The following OTUD3 variants were observed in gnomAD, a reference collection of about 807,000 sequenced individuals.
The protein encoded by OTUD3 is OTU domain-containing protein 3.
Under a neutral mutation model 46.2 loss-of-function variants are expected in OTUD3, and 24 were observed. The ratio of observed to expected loss-of-function variants is 0.52; its 90% confidence interval spans 0.38 to 0.73. OTUD3 has a LOEUF of 0.73. Among genes scored for constraint, OTUD3 ranks in the 30% least tolerant of loss-of-function variants. OTUD3 has a pLI of 0.00. For synonymous variants in OTUD3, 189 were observed against 195.4 expected, an observed-to-expected ratio of 0.97 and a Z score of 0.27; for missense variants, 455 against 523.3, an observed-to-expected ratio of 0.87 and a Z score of 1.27.
Position 19,882,751 on chromosome 1 carries a change from G to T in OTUD3, c.221+17G>T. ...GGGGGACGGGTGAGGCGGGCCGGGA[G>T]CGAGGGAGGCGGCGCCGGGGGACGC... is the stretch of plus-strand genomic sequence containing the variant. On this transcript the variant is annotated intron_variant, in intron 1 of 7. Transcript: ENST00000375120. 7.7e-7 allele frequency: 1 copy of T among 1,297,576 alleles called. No individual in the cohort carries two copies. Among genetic ancestry groups the T allele is most frequent in the Non-Finnish European group, 9.8e-7 (1 of 1,024,316 alleles). The allele number at this position is 1,297,576 out of a possible 1,614,324, so 80.4% of individuals were successfully genotyped here. A position where few individuals can be genotyped will look rare whatever the true frequency, so the allele number is the denominator to read the frequency against.
At chr1:19,902,613 C>A (rs1464224955) in intron 4 of OTUD3, among the ~76,000 whole-genome samples, 1 of 152,076 alleles carries the variant, frequency 6.6e-6, no homozygotes, top group East Asian at 1.9e-4. Context: ...CTATTCAAGT[C>A]TTTTGCCTAT....
Position 19,882,649 on chromosome 1 carries a change from G to A in OTUD3, c.136G>A (p.Gly46Ser). 2 of 1,461,012 alleles carry A rather than the reference G, an allele frequency of 1.4e-6. No individual in the cohort carries two copies. Among genetic ancestry groups the A allele is most frequent in the Non-Finnish European group, 1.8e-6 (2 of 1,108,488 alleles). The allele number at this position is 1,461,012 out of a possible 1,614,324, so 90.5% of individuals were successfully genotyped here. A position where few individuals can be genotyped will look rare whatever the true frequency, so the allele number is the denominator to read the frequency against. Residue 46 changes from glycine to serine, a missense_variant, in exon 1 of 8, where the codon GGC becomes AGC. By Grantham distance (56) the Gly-to-Ser change is moderately conservative. Coordinates refer to ENST00000375120, the MANE Select transcript of OTUD3 (RefSeq NM_015207.2). ...GCGGAATCGGCCGGAGTCTGGCGGC[G>A]GCGGCGGCTGCGAGGAGGAGTTCGT... is the stretch of plus-strand genomic sequence containing the variant. Reference protein sequence around the residue: ...ERRNRPESGGGGGCEEEFVSF... With the variant: ...ERRNRPESGGSGGCEEEFVSF...
At chr1:19,892,752 T>A (rs2045465541) in intron 2 of OTUD3, among the ~76,000 whole-genome samples, 2 of 152,222 alleles carry the variant, frequency 1.3e-5, no homozygotes, top group South Asian at 4.1e-4. Context: ...TACTGTTCGG[T>A]ATCATTGTCT....
At chr1:19,896,888 A>G (rs542654857) in intron 3 of OTUD3, among the ~76,000 whole-genome samples, 18 of 152,284 alleles carry the variant, frequency 1.2e-4, no homozygotes, top group Admixed American at 3.3e-4. Flanking sequence ...TGGCGCCTGC[A>G]GGGTTGAGCG....
At chr1:19,901,398 T>G (rs2045587614) in intron 4 of OTUD3, among the ~76,000 whole-genome samples, 1 of 152,240 alleles carries the variant, frequency 6.6e-6, no homozygotes, top group African/African-American at 2.4e-5. Context: ...GTTTTTTGTG[T>G]CTATTGTAAA....
At chr1:19,883,333 A>G (rs989344855) in intron 1 of OTUD3, among the ~76,000 whole-genome samples, 3 of 152,176 alleles carry the variant, frequency 2.0e-5, no homozygotes, top group African/African-American at 7.2e-5. Context: ...GACTGGATCC[A>G]GGTCCAGCTT....
intron 4 of OTUD3, among the ~76,000 whole-genome samples, chr1:19,900,217 T>G (rs1033289021): frequency 5.3e-5 from 8 of 152,206 alleles, no homozygotes; most frequent in African/African-American, 1.9e-4. Context: ...ATTTATTTAT[T>G]TTTTGAGACT....
At chr1:19,887,388 ATC>A (rs2045380002) in intron 1 of OTUD3, among the ~76,000 whole-genome samples, 1 of 151,894 alleles carries the variant, frequency 6.6e-6, no homozygotes, top group Non-Finnish European at 1.5e-5. Flanking sequence ...CCGGCTGATG[ATC>A]TCTCATATTT....
chr1:19,884,750 A>G (rs1174655162), intron 1 of OTUD3, among the ~76,000 whole-genome samples: 1 of 152,224 alleles, frequency 6.6e-6, no homozygotes, highest in Non-Finnish European at 1.5e-5. Flanking sequence ...GGTACATTAC[A>G]TCTTAGTTTT....
At chr1:19,886,513 A>C (rs2100240501) in intron 1 of OTUD3, among the ~76,000 whole-genome samples, 1 of 152,294 alleles carries the variant, frequency 6.6e-6, no homozygotes, top group Middle Eastern at 3.4e-3. Context: ...GCCATACTAG[A>C]ATATCTGGGG....
chr1:19,898,154 G>A (rs2045541679), intron 4 of OTUD3, among the ~76,000 whole-genome samples: 1 of 151,764 alleles, frequency 6.6e-6, no homozygotes, highest in African/African-American at 2.4e-5. Flanking sequence ...CTCCATGTTG[G>A]TCATGCTGGT....
In OTUD3 at chr1:19,904,874, G is replaced by A. The variant is rs1460438622; in HGVS notation, c.739-17G>A. ...GAGTTTTGAAGTGGTTTTTTTGTTT[G>A]TTTGTTTCTTGGATAGGATTTTAAT... On this transcript the variant is annotated splice_polypyrimidine_tract_variant and intron_variant, in intron 5 of 7. Coordinates refer to ENST00000375120, the MANE Select transcript of OTUD3 (RefSeq NM_015207.2). 2 of 1,304,088 alleles carry A rather than the reference G, an allele frequency of 1.5e-6. No homozygotes were observed. The highest frequency in any genetic ancestry group is 2.0e-5 in the Admixed American group (1 of 50,544). 80.8% of individuals were successfully genotyped at this position (1,304,088 alleles called of 1,614,324 possible).
intron 4 of OTUD3, among the ~76,000 whole-genome samples, chr1:19,898,183 G>A (rs2045542064): frequency 6.6e-6 from 1 of 151,696 alleles, no homozygotes; most frequent in Non-Finnish European, 1.5e-5. Flanking sequence ...CCTGACCTCA[G>A]GTGATCTGCC....
At chr1:19,897,304 T>C (rs1414793702) in intron 3 of OTUD3, among the ~76,000 whole-genome samples, 1 of 152,212 alleles carries the variant, frequency 6.6e-6, no homozygotes, top group African/African-American at 2.4e-5. Flanking sequence ...CCCTGGTTTT[T>C]GAATTTCTTA....
chr1:19,882,736 T>C lies in OTUD3; in HGVS notation c.221+2T>C, dbSNP rs1328878611. ...GCTGCGGGAGGTGCCGGGGGACGGG[T>C]GAGGCGGGCCGGGAGCGAGGGAGGC... On this transcript the variant is annotated splice_donor_variant, in intron 1 of 7. Coordinates refer to ENST00000375120, the MANE Select transcript of OTUD3 (RefSeq NM_015207.2). LOFTEE classifies it high-confidence loss of function. 1.7e-5 allele frequency: 23 copies of C among 1,343,836 alleles called. No individual in the cohort carries two copies. The highest frequency in any genetic ancestry group is 2.2e-5 in the Non-Finnish European group (23 of 1,047,788). 83.2% of individuals were successfully genotyped at this position (1,343,836 alleles called of 1,614,324 possible).
chr1:19,900,613 A>G (rs1054241853), intron 4 of OTUD3, among the ~76,000 whole-genome samples: 2 of 152,208 alleles, frequency 1.3e-5, no homozygotes. Context: ...TACCCAAACC[A>G]TTGATTAATT....
At chr1:19,903,853 G>A (rs1297189649) in intron 4 of OTUD3, among the ~76,000 whole-genome samples, 5 of 152,216 alleles carry the variant, frequency 3.3e-5, no homozygotes, top group Non-Finnish European at 5.9e-5. Flanking sequence ...GAGGGAAGTT[G>A]TATGTAGGTT....
chr1:19,905,132 A>AT (rs1297209539), intron 6 of OTUD3, 145 bp downstream of exon 6: 5 of 580,352 alleles, frequency 8.6e-6, no homozygotes, highest in African/African-American at 3.8e-5. Flanking sequence ...GTACGTAGAC[A>AT]TTTTTTACTA....
At chr1:19,885,844 C>T (rs1427795363) in intron 1 of OTUD3, among the ~76,000 whole-genome samples, 1 of 152,142 alleles carries the variant, frequency 6.6e-6, no homozygotes, top group African/African-American at 2.4e-5. Flanking sequence ...CTCTAGCGTT[C>T]CCTGTTTTCA....
Sources: allele counts gnomAD v4.1 joint callset (sites outside exome capture counted in the v4.1 genomes callset), GRCh38; gene constraint gnomAD v4.1.1; transcripts MANE v1.5; gene names NCBI Gene and HGNC (gene_info 2026-07-23, HGNC 2026-07-21).